The following LPAR6 variants were observed in gnomAD, a reference collection of about 807,000 sequenced individuals.
LPAR6 encodes the protein lysophosphatidic acid receptor 6, also known as G-protein coupled purinergic receptor P2Y5.
A neutral mutation model predicts 22.0 loss-of-function variants in LPAR6; 17 were observed. That is an observed-to-expected ratio of 0.77 (90% CI 0.53 to 1.16). The LOEUF is 1.16. Among genes scored for constraint, LPAR6 ranks in the 50% most tolerant of loss-of-function variants. The probability of loss-of-function intolerance (pLI) is 0.00; values close to 1 mark genes in which losing one functional copy is unlikely to be tolerated. For synonymous variants in LPAR6, 136 were observed against 139.8 expected (o/e 0.97, Z 0.19); for missense variants, 384 against 406.9 (o/e 0.94, Z 0.48).
intron 1 of LPAR6, among the ~76,000 whole-genome samples, chr13:48,395,118 A>G (rs958597213): frequency 6.6e-6 from 1 of 152,094 alleles, no homozygotes; most frequent in African/African-American, 2.4e-5. Flanking sequence ...TCTGGAGTGG[A>G]CCTCCAGCAA....
At chr13:48,442,610 G>C (rs1297288154) in intron 1 of LPAR6, among the ~76,000 whole-genome samples, 3 of 152,090 alleles carry the variant, frequency 2.0e-5, no homozygotes, top group Non-Finnish European at 4.4e-5. Flanking sequence ...TCACTGAATT[G>C]AAGATAGTAA....
chr13:48,411,434 T>C lies in LPAR6; in HGVS notation c.990A>G (p.Leu330=), dbSNP rs1328958817. 1 of 1,613,146 alleles carries C rather than the reference T, an allele frequency of 6.2e-7. No homozygotes were observed. Among genetic ancestry groups the C allele is most frequent in the East Asian group, 2.2e-5 (1 of 44,822 alleles). The change falls in exon 1 of 1, where the codon CTA becomes CTG. Residue 330 remains leucine, a synonymous_variant. Coordinates refer to ENST00000620633, the MANE Select transcript of LPAR6 (RefSeq NM_001162498.3). ...HGAENFIQHN[L]QTLKSKIFDN... ...CAAATATCTTACTTTTTAAGGTCTG[T>C]AGGTTATGCTGAATAAAATTCTCTG... is the stretch of plus-strand genomic sequence containing the variant.
At chr13:48,390,575 C>T (rs915358573) in intron 1 of LPAR6, among the ~76,000 whole-genome samples, 3 of 152,072 alleles carry the variant, frequency 2.0e-5, no homozygotes, top group Non-Finnish European at 4.4e-5. Context: ...AAGCAAAACT[C>T]CTGGCTCACT....
At chr13:48,407,100 T>A (rs1948746925), downstream of LPAR6, among the ~76,000 whole-genome samples, 1 of 152,214 alleles carries the variant, frequency 6.6e-6, no homozygotes, top group South Asian at 2.1e-4. Flanking sequence ...CCTAGCACAT[T>A]TACCCCATGG....
rs544475121 is a variant in LPAR6, at chr13:48,442,206, A to AT, written c.-1474+2346dup. ...TAATTCTTCCTACAGTATGAATTTT[A>AT]TTTTTTTTTTTTGAAATGGAGTCTT... On this transcript the variant is annotated intron_variant, in intron 1 of 6. Coordinates refer to the LPAR6 transcript ENST00000378434. Among the ~76,000 whole-genome samples the AT allele has an allele frequency of 3.1e-3, 447 of 145,896 alleles. 2 individuals carry two copies. Among genetic ancestry groups the AT allele is most frequent in the African/African-American group, 8.6e-3 (347 of 40,292 alleles).
rs761569108 is a variant in LPAR6, at chr13:48,411,712, A to G, written c.712T>C (p.Phe238Leu). 2.5e-6 allele frequency: 4 copies of G among 1,605,252 alleles called. No individual in the cohort carries two copies. The African/African-American group carries it at 4.0e-5, about 16-fold the overall frequency. The change falls in exon 1 of 1, where the codon TTC (phenylalanine) becomes CTC (leucine). Residue 238 changes from phenylalanine to leucine, a missense_variant. By Grantham distance (22) the Phe-to-Leu change is conservative. Coordinates refer to ENST00000620633, the MANE Select transcript of LPAR6 (RefSeq NM_001162498.3). ...TTGTAAGGAACAAAACAGAAACAGA[A>G]TATGATCAAATGTACAAAAATCATT... is the stretch of plus-strand genomic sequence containing the variant. Reference protein sequence around the residue: ...LKMIFVHLIIFCFCFVPYNIN... With the variant: ...LKMIFVHLIILCFCFVPYNIN...
chr13:48,442,271 A>G (rs1000422125), intron 1 of LPAR6, among the ~76,000 whole-genome samples: 1 of 150,692 alleles, frequency 6.6e-6, no homozygotes, highest in Non-Finnish European at 1.5e-5. Flanking sequence ...CACCATCTCC[A>G]CTCACTGCAA....
At position 48,411,463 on chromosome 13, in the gene LPAR6, C is replaced by T. The variant is rs1030629515; in HGVS notation, c.961G>A (p.Gly321Ser). ...TTATGCTGAATAAAATTCTCTGCAC[C>T]ATGAACTTCAGAGAATCTGAAGTCA... ...RSDFRFSEVH[G>S]AENFIQHNLQ... The change falls in exon 1 of 1, where the codon GGT becomes AGT. Residue 321 changes from glycine (G) to serine (S), a missense_variant. Coordinates refer to ENST00000620633, the MANE Select transcript of LPAR6 (RefSeq NM_001162498.3). 6.2e-7 allele frequency: 1 copy of T among 1,612,776 alleles called. No individual in the cohort carries two copies. The highest frequency in any genetic ancestry group is 1.3e-5 in the African/African-American group (1 of 74,832).
intron 1 of LPAR6, chr13:48,444,406 A>T (rs988285792): frequency 6.6e-6 from 1 of 152,080 alleles, no homozygotes; most frequent in Non-Finnish European, 1.5e-5. Context: ...AGTCCCAGCT[A>T]CTCCAGAGGC....
chr13:48,441,625 G>A (rs1020478075), intron 1 of LPAR6, among the ~76,000 whole-genome samples: 3 of 152,022 alleles, frequency 2.0e-5, no homozygotes, highest in Non-Finnish European at 4.4e-5. Context: ...TAATAGTGTT[G>A]TTTAATTTTT....
intron 1 of LPAR6, among the ~76,000 whole-genome samples, chr13:48,437,415 G>A (rs1360059090): frequency 6.6e-6 from 1 of 152,176 alleles, no homozygotes; most frequent in Non-Finnish European, 1.5e-5. Context: ...TTATCTGTTA[G>A]AACAACTAAC....
chr13:48,421,662 A>G (rs1949006757), intron 2 of LPAR6, among the ~76,000 whole-genome samples: 1 of 152,208 alleles, frequency 6.6e-6, no homozygotes. Flanking sequence ...AACTTAAACA[A>G]ATTTACAGGA....
chr13:48,416,743 G>T (rs1363284662), upstream of LPAR6, among the ~76,000 whole-genome samples: 1 of 152,192 alleles, frequency 6.6e-6, no homozygotes, highest in Non-Finnish European at 1.5e-5. Context: ...GCTGGAGCTT[G>T]GTGGGAGGAG....
rs537138709 is a variant in LPAR6 at position 48,396,598 on chromosome 13, A to C, written n.115-6786T>G. Among the ~76,000 whole-genome samples, 19 of 152,374 alleles carry C rather than the reference A, an allele frequency of 1.2e-4. No homozygotes were observed. The Middle Eastern group carries it at 0.014, about 109-fold the overall frequency. On this transcript the variant is annotated intron_variant and non_coding_transcript_variant, in intron 1 of 1. Transcript: ENST00000462781. Reference sequence around the variant, plus strand: ...GGACATAGGCATGGGCAAAGACTTCATGACCAAAACACCAAAAGCAATGGC... The same window carrying C: ...GGACATAGGCATGGGCAAAGACTTCCTGACCAAAACACCAAAAGCAATGGC...
chr13:48,405,109 T>TA (rs1191238508), intron 1 of LPAR6, among the ~76,000 whole-genome samples: 1 of 151,940 alleles, frequency 6.6e-6, no homozygotes, highest in Non-Finnish European at 1.5e-5. Flanking sequence ...TAAGACCTAA[T>TA]AAAAAAACTG....
intron 1 of LPAR6, among the ~76,000 whole-genome samples, chr13:48,436,584 A>G (rs538359039): frequency 2.9e-4 from 44 of 152,248 alleles, no homozygotes; most frequent in Admixed American, 8.5e-4. Context: ...CGGAGGTTGC[A>G]GTGAGCCAAG....
At chr13:48,400,207 A>G (rs1208592376) in intron 1 of LPAR6, among the ~76,000 whole-genome samples, 1 of 152,138 alleles carries the variant, frequency 6.6e-6, no homozygotes, top group Non-Finnish European at 1.5e-5. Flanking sequence ...TCAGTGTAGA[A>G]GTAATAATAG....
intron 1 of LPAR6, among the ~76,000 whole-genome samples, chr13:48,398,239 A>G (rs563498838): frequency 1.3e-5 from 2 of 152,286 alleles, no homozygotes; most frequent in South Asian, 2.1e-4. Context: ...ATTTTAAAAA[A>G]TTCAATTCTG....
chr13:48,402,537 C>T (rs11839271), intron 1 of LPAR6, among the ~76,000 whole-genome samples: 81,893 of 151,682 alleles, frequency 0.54, 26,622 homozygotes, highest in Middle Eastern at 0.71. Context: ...GCCAACACAC[C>T]CAGCTAATTT....
Sources: gnomAD v4.1 joint callset for allele counts (sites outside exome capture counted in the v4.1 genomes callset) on GRCh38, gnomAD v4.1.1 for gene constraint, MANE v1.5 for transcripts, NCBI Gene and HGNC (gene_info 2026-07-23, HGNC 2026-07-21) for gene names.